UGT2B28: variants seen among roughly 807,000 people sequenced by gnomAD.
UGT2B28 encodes the protein UDP-glucuronosyltransferase 2B28.
Under a neutral mutation model 43.6 loss-of-function variants are expected in UGT2B28, and 45 were observed. That is an observed-to-expected ratio of 1.03 (90% CI 0.81 to 1.32). UGT2B28 has a LOEUF of 1.32. Ranked by LOEUF, UGT2B28 falls within the 40% of genes most tolerant of loss-of-function variation. UGT2B28 has a pLI of 0.00. For synonymous variants in UGT2B28, 204 were observed against 208.1 expected (o/e 0.98, Z 0.17); for missense variants, 649 against 625.5 (o/e 1.04, Z -0.40).
chr4:69,281,061 G>C lies in UGT2B28; in HGVS notation c.561G>C (p.Leu187=). ...CAATTGAAAGGCACAGTGGAGGACT[G>C]ATTTTCCCTCCTTCCTACATACCTG... is the stretch of plus-strand genomic sequence containing the variant. ...GYTIERHSGG[L]IFPPSYIPVV... Residue 187 remains leucine, a synonymous_variant, in exon 1 of 6, where the codon CTG becomes CTC. Transcript: ENST00000335568. 1 of 1,559,486 alleles carries C rather than the reference G, an allele frequency of 6.4e-7. No individual in the cohort carries two copies. The highest frequency in any genetic ancestry group is 8.7e-7 in the Non-Finnish European group (1 of 1,155,330).
intron 2 of UGT2B28, among the ~76,000 whole-genome samples, chr4:69,283,005 A>C (rs532263928): frequency 1.4e-5 from 2 of 140,960 alleles, no homozygotes; most frequent in South Asian, 4.7e-4. Flanking sequence ...TCAGAGAAAA[A>C]AAATAGACAG....
chr4:69,283,168 G>A (rs1334217051), intron 2 of UGT2B28, among the ~76,000 whole-genome samples: 1 of 139,710 alleles, frequency 7.2e-6, no homozygotes, highest in Non-Finnish European at 1.5e-5. Flanking sequence ...GGATTAGTAA[G>A]ATGAGAGCTG....
At chr4:69,291,202 TA>T (rs1453232308) in intron 5 of UGT2B28, among the ~76,000 whole-genome samples, 1 of 140,626 alleles carries the variant, frequency 7.1e-6, no homozygotes. Context: ...AATTAATTTT[TA>T]TCATCATTAT....
chr4:69,288,908 C>A (rs1350409065), intron 3 of UGT2B28, among the ~76,000 whole-genome samples: 2 of 140,276 alleles, frequency 1.4e-5, no homozygotes, highest in Admixed American at 7.1e-5. Context: ...CTTATCCCTG[C>A]AAAATACATA....
chr4:69,285,455 C>T (rs1324679534), intron 2 of UGT2B28, among the ~76,000 whole-genome samples: 1 of 139,264 alleles, frequency 7.2e-6, no homozygotes, highest in African/African-American at 2.8e-5. Context: ...GCTCTGATAT[C>T]AAGCCAGTGA....
In UGT2B28 at chr4:69,292,335, G is replaced by A. The variant is rs575757187; in HGVS notation, c.1310+1524G>A. 3.6e-3 allele frequency among the ~76,000 whole-genome samples: 505 copies of A among 139,886 alleles called. 56 individuals are homozygous for A. Among genetic ancestry groups the A allele is most frequent in the Admixed American group, 7.3e-3 (102 of 13,932 alleles). 91.8% of individuals were successfully genotyped at this position (139,886 alleles called of 152,430 possible). On this transcript the variant is annotated intron_variant, in intron 5 of 5. Coordinates refer to ENST00000335568, the MANE Select transcript of UGT2B28 (RefSeq NM_053039.2). ...TCTCAATAAAGTTTTTGTGTAAGGA[G>A]GGTATCATCTAAAGGAATGCTTTAA...
At chr4:69,282,304 C>G (rs2109682701) in intron 1 of UGT2B28, among the ~76,000 whole-genome samples, 1 of 139,778 alleles carries the variant, frequency 7.2e-6, no homozygotes, top group East Asian at 2.0e-4. Context: ...TCATAATTCT[C>G]CCACCACTTT....
At chr4:69,294,025 A>G (rs1291885799) in intron 5 of UGT2B28, among the ~76,000 whole-genome samples, 3 of 140,702 alleles carry the variant, frequency 2.1e-5, no homozygotes, top group South Asian at 2.4e-4. Context: ...CATTTTCACA[A>G]TCTTTCTTAC....
rs1290064642 is a variant in UGT2B28 at position 69,292,026 on chromosome 4, T to G, written c.1310+1215T>G. Among the ~76,000 whole-genome samples, 7 of 140,398 alleles carry G rather than the reference T, an allele frequency of 5.0e-5. 2 individuals are homozygous for G. The Admixed American group carries it at 5.0e-4, about 10-fold the overall frequency. The allele number at this position is 140,398 out of a possible 152,430, so 92.1% of individuals were successfully genotyped here. A position where few individuals can be genotyped will look rare whatever the true frequency, so the allele number is the denominator to read the frequency against. On this transcript the variant is annotated intron_variant, in intron 5 of 5. Coordinates refer to ENST00000335568, the MANE Select transcript of UGT2B28 (RefSeq NM_053039.2). ...CATTCATATATCTTCTTAGAAAACA[T>G]GTCTATTCCAACGCTTGGAACATTT...
chr4:69,286,149 C>A (rs1290653626), intron 2 of UGT2B28, among the ~76,000 whole-genome samples: 1 of 140,658 alleles, frequency 7.1e-6, no homozygotes, highest in African/African-American at 2.8e-5. Flanking sequence ...CTTTTATTTT[C>A]ATTTTTTATT....
rs1251373684 is a variant in UGT2B28 at position 69,281,124 on chromosome 4, G to A, written c.624G>A (p.Met208Ile). ...MSKLSDQMTFMERVKNMIYVL... is the reference protein window; with the variant it reads ...MSKLSDQMTFIERVKNMIYVL... ...AATTAAGTGATCAAATGACTTTCAT[G>A]GAGAGGGTAAAAAACATGATCTATG... is the stretch of plus-strand genomic sequence containing the variant. The change falls in exon 1 of 6, where the codon ATG (methionine) becomes ATA (isoleucine). Residue 208 changes from methionine to isoleucine, a missense_variant. By Grantham distance (10) the Met-to-Ile change is conservative (BLOSUM62 1). Transcript: ENST00000335568. The A allele has an allele frequency of 2.6e-6, 4 of 1,558,592 alleles. 1 individual carries two copies. The highest frequency in any genetic ancestry group is 3.5e-6 in the Non-Finnish European group (4 of 1,155,060).
Position 69,288,234 on chromosome 4 carries a change from A to G in UGT2B28, c.1002+1351A>G, listed in dbSNP as rs532439994. Among the ~76,000 whole-genome samples the G allele has an allele frequency of 1.2e-3, 173 of 139,510 alleles. 32 individuals are homozygous for G. The highest frequency in any genetic ancestry group is 4.7e-3 in the African/African-American group (170 of 35,820). The allele number at this position is 139,510 out of a possible 152,430, so 91.5% of individuals were successfully genotyped here. On this transcript the variant is annotated intron_variant, in intron 3 of 5. Transcript: ENST00000335568. ...AATTGTCACTTGAAATTTTTCTTGG[A>G]AGTAGTGCTTGAAAATTTGTAATTC... is the stretch of plus-strand genomic sequence containing the variant.
rs1422032481 is a variant in UGT2B28, at chr4:69,288,204, G to T, written c.1002+1321G>T. On this transcript the variant is annotated intron_variant, in intron 3 of 5. Transcript: ENST00000335568. ...ATACTGGTAATATTCTGAATTTGTG[G>T]CAAAAATTGTCACTTGAAATTTTTC... Among the ~76,000 whole-genome samples the T allele has an allele frequency of 4.3e-5, 6 of 138,202 alleles. 1 individual carries two copies. The East Asian group carries it at 6.1e-4, about 14-fold the overall frequency. 90.7% of individuals were successfully genotyped at this position (138,202 alleles called of 152,430 possible). A position where few individuals can be genotyped will look rare whatever the true frequency, so the allele number is the denominator to read the frequency against.
chr4:69,283,717 T>C lies in UGT2B28; in HGVS notation c.870+1055T>C, dbSNP rs1723689628. ...ATGGTTATTTTGTTATTATTACCAA[T>C]ACTACTAACTACTTAACATGTGCAA... On this transcript the variant is annotated intron_variant, in intron 2 of 5. Coordinates refer to ENST00000335568, the MANE Select transcript of UGT2B28 (RefSeq NM_053039.2). Among the ~76,000 whole-genome samples, 2 of 140,836 alleles carry C rather than the reference T, an allele frequency of 1.4e-5. 1 individual carries two copies. Among genetic ancestry groups the C allele is most frequent in the Non-Finnish European group, 3.0e-5 (2 of 65,762 alleles). The allele number at this position is 140,836 out of a possible 152,430, so 92.4% of individuals were successfully genotyped here. A position where few individuals can be genotyped will look rare whatever the true frequency, so the allele number is the denominator to read the frequency against.
chr4:69,294,315 C>T (rs1383194333), intron 5 of UGT2B28, among the ~76,000 whole-genome samples: 2 of 138,868 alleles, frequency 1.4e-5, no homozygotes, highest in Admixed American at 7.2e-5. Flanking sequence ...CTCACCTGAC[C>T]TTCCATTTCT....
intron 1 of UGT2B28, 54 bp downstream of exon 1, chr4:69,281,275 A>C: frequency 6.9e-7 from 1 of 1,443,326 alleles, no homozygotes. Context: ...GTGTCTTTGA[A>C]GCAGAGCTTA....
Position 69,280,616 on chromosome 4 carries a change from T to A in UGT2B28, c.116T>A (p.Met39Lys). 1.3e-6 allele frequency: 2 copies of A among 1,561,046 alleles called. No homozygotes were observed. The highest frequency in any genetic ancestry group is 2.3e-5 in the East Asian group (1 of 43,588). ...GGTGAATACAGCCATTGGATGAATA[T>A]GAAGACAATCCTGAAAGAGCTTGTT... Reference protein sequence around the residue: ...WTGEYSHWMNMKTILKELVQR... With the variant: ...WTGEYSHWMNKKTILKELVQR... Residue 39 changes from methionine to lysine, a missense_variant, in exon 1 of 6, where the codon ATG (methionine) becomes AAG (lysine). Physicochemically the swap from Met to Lys is moderately conservative, Grantham distance 95. Coordinates refer to ENST00000335568, the MANE Select transcript of UGT2B28 (RefSeq NM_053039.2).
rs1297228169 is a variant in UGT2B28 at position 69,289,098 on chromosome 4, A to C, written c.1003-567A>C. 1.4e-5 allele frequency among the ~76,000 whole-genome samples: 2 copies of C among 139,258 alleles called. 1 individual carries two copies. Among genetic ancestry groups the C allele is most frequent in the African/African-American group, 5.7e-5 (2 of 35,380 alleles). The allele number at this position is 139,258 out of a possible 152,430, so 91.4% of individuals were successfully genotyped here. On this transcript the variant is annotated intron_variant, in intron 3 of 5. Coordinates refer to ENST00000335568, the MANE Select transcript of UGT2B28 (RefSeq NM_053039.2). ...AAGAACCAGTTATAGTCCTTTGCTT[A>C]TATACCCAGTAATGGGATTGCTGGG...
intron 2 of UGT2B28, among the ~76,000 whole-genome samples, chr4:69,286,349 C>A (rs1255544214): frequency 7.1e-6 from 1 of 140,454 alleles, no homozygotes; most frequent in Non-Finnish European, 1.5e-5. Context: ...GAAATAAACA[C>A]AAGTGTTTAA....
Sources: allele counts gnomAD v4.1 joint callset (sites outside exome capture counted in the v4.1 genomes callset), GRCh38; gene constraint gnomAD v4.1.1; transcripts MANE v1.5; gene names NCBI Gene and HGNC (gene_info 2026-07-23, HGNC 2026-07-21).